Variants in ACAP2 observed in about 807,000 individuals in gnomAD.
The protein encoded by ACAP2 is ArfGAP with coiled-coil, ankyrin repeat and PH domains 2.
Under a neutral mutation model 115.8 loss-of-function variants are expected in ACAP2, and 39 were observed. The observed-to-expected ratio is 0.34, with a 90% confidence interval of 0.26 to 0.44. ACAP2 has a LOEUF of 0.44. Among genes scored for constraint, ACAP2 ranks in the 20% least tolerant of loss-of-function variants. The pLI is 1.00. For missense variants in ACAP2, 662 were observed against 927.6 expected (o/e 0.71, Z 3.72); for synonymous variants, 289 against 315.8 (o/e 0.92, Z 0.90).
intron 4 of ACAP2, among the ~76,000 whole-genome samples, chr3:195,348,055 T>TAAAA (rs59102931): frequency 1.9e-3 from 278 of 145,970 alleles, no homozygotes; most frequent in African/African-American, 6.6e-3. Flanking sequence ...AGAAAACTTG[T>TAAAA]AAAAAAAAAA....
At chr3:195,394,717 C>CAT (rs1230440767) in intron 1 of ACAP2, among the ~76,000 whole-genome samples, 1 of 152,170 alleles carries the variant, frequency 6.6e-6, no homozygotes, top group African/African-American at 2.4e-5. Flanking sequence ...AAGCAAGACT[C>CAT]AGTCTCTCAA....
At chr3:195,317,228 C>A (rs1323821644) in intron 10 of ACAP2, among the ~76,000 whole-genome samples, 1 of 151,668 alleles carries the variant, frequency 6.6e-6, no homozygotes, top group Non-Finnish European at 1.5e-5. Flanking sequence ...AACCTTGACA[C>A]CAAGACATAA....
At chr3:195,409,630 C>A (rs1158511983) in intron 1 of ACAP2, among the ~76,000 whole-genome samples, 1 of 151,972 alleles carries the variant, frequency 6.6e-6, no homozygotes, top group Admixed American at 6.6e-5. Flanking sequence ...AATCTCAGCA[C>A]CCTGGGAGGC....
At chr3:195,286,628 T>C (rs956807410) in intron 21 of ACAP2, among the ~76,000 whole-genome samples, 1 of 152,228 alleles carries the variant, frequency 6.6e-6, no homozygotes, top group Admixed American at 6.5e-5. Context: ...GACATGAACT[T>C]TTCCTATCTT....
chr3:195,355,854 C>T (rs1731927782), intron 4 of ACAP2, among the ~76,000 whole-genome samples: 1 of 152,156 alleles, frequency 6.6e-6, no homozygotes, highest in Non-Finnish European at 1.5e-5. Flanking sequence ...AGTTTCAAGT[C>T]CTTGTGATTT....
chr3:195,283,341 T>A (rs150199192), intron 22 of ACAP2, among the ~76,000 whole-genome samples: 69 of 152,312 alleles, frequency 4.5e-4, no homozygotes, highest in Non-Finnish European at 7.9e-4. Flanking sequence ...GAGTCCCAGG[T>A]CCCTAGGGTT....
chr3:195,364,620 C>T (rs1372797996), intron 4 of ACAP2, among the ~76,000 whole-genome samples: 2 of 151,978 alleles, frequency 1.3e-5, no homozygotes, highest in Non-Finnish European at 2.9e-5. Flanking sequence ...AAAAAACAAG[C>T]AATTAACAAA....
intron 4 of ACAP2, among the ~76,000 whole-genome samples, chr3:195,371,468 G>A (rs1733137049): frequency 6.6e-6 from 1 of 152,034 alleles, no homozygotes; most frequent in Admixed American, 6.6e-5. Context: ...AGACTATAGG[G>A]TTTTCTAGAT....
intron 1 of ACAP2, among the ~76,000 whole-genome samples, chr3:195,433,635 T>C (rs1402671776): frequency 1.3e-5 from 2 of 152,198 alleles, no homozygotes; most frequent in East Asian, 3.8e-4. Context: ...CTATTTTTAG[T>C]TTTTTGAATA....
chr3:195,317,410 C>T (rs1419506070), intron 10 of ACAP2, among the ~76,000 whole-genome samples: 2 of 152,118 alleles, frequency 1.3e-5, no homozygotes, highest in Non-Finnish European at 2.9e-5. Context: ...GTAATAAACA[C>T]ATTATAACCA....
At chr3:195,281,407 A>G (rs1726502341) in intron 22 of ACAP2, among the ~76,000 whole-genome samples, 1 of 151,648 alleles carries the variant, frequency 6.6e-6, no homozygotes, top group African/African-American at 2.4e-5. Context: ...TCCGCCTCAA[A>G]AAAAGAAAAA....
At chr3:195,303,148 G>A (rs1728179492) in intron 13 of ACAP2, among the ~76,000 whole-genome samples, 3 of 151,908 alleles carry the variant, frequency 2.0e-5, no homozygotes, top group East Asian at 1.9e-4. Context: ...CCCAGGAAAC[G>A]GAGGTTGCAG....
intron 12 of ACAP2, 98 bp downstream of exon 12, chr3:195,307,125 C>T: frequency 1.1e-6 from 1 of 889,326 alleles, no homozygotes; most frequent in East Asian, 2.5e-5. Flanking sequence ...CTCTTTAGCA[C>T]AGATACAGAC....
chr3:195,295,251 A>G (rs1727564591), intron 17 of ACAP2: 1 of 1,291,574 alleles, frequency 7.7e-7, no homozygotes, highest in Non-Finnish European at 1.0e-6. Flanking sequence ...CTAGCTCATC[A>G]GGACAAAACA....
intron 1 of ACAP2, among the ~76,000 whole-genome samples, chr3:195,440,812 A>G (rs1715935102): frequency 6.6e-6 from 1 of 152,306 alleles, no homozygotes; most frequent in Non-Finnish European, 1.5e-5. Context: ...TCTTCCCTCT[A>G]TTGCAAATCT....
chr3:195,333,453 C>T (rs1344497208), intron 7 of ACAP2, among the ~76,000 whole-genome samples: 5 of 152,162 alleles, frequency 3.3e-5, no homozygotes, highest in South Asian at 4.1e-4. Context: ...CTCCCACTTC[C>T]GCCTCCAAAA....
chr3:195,285,661 A>G (rs973266164), intron 22 of ACAP2, 135 bp downstream of exon 22: 2 of 702,108 alleles, frequency 2.8e-6, no homozygotes, highest in African/African-American at 3.6e-5. Context: ...CTCACAATTT[A>G]CAAGTGGGTT....
chr3:195,425,160 T>C (rs1714587622), intron 1 of ACAP2, among the ~76,000 whole-genome samples: 1 of 150,888 alleles, frequency 6.6e-6, no homozygotes, highest in South Asian at 2.1e-4. Flanking sequence ...TGAAATTAAA[T>C]ATAACATTTC....
chr3:195,356,211 G>A (rs1486127694), intron 4 of ACAP2: 1 of 456,558 alleles, frequency 2.2e-6, no homozygotes, highest in Admixed American at 2.3e-5. Context: ...CACAGCAACT[G>A]TGGGACTACA....
Sources: gnomAD v4.1 joint callset for allele counts (sites outside exome capture counted in the v4.1 genomes callset) on GRCh38, gnomAD v4.1.1 for gene constraint, MANE v1.5 for transcripts, NCBI Gene and HGNC (gene_info 2026-07-23, HGNC 2026-07-21) for gene names.